The following GRM5 variants were observed in gnomAD, a reference collection of about 807,000 sequenced individuals.
GRM5 encodes glutamate metabotropic receptor 5.
GRM5 carries 19 observed loss-of-function variants against 83.1 expected under a neutral mutation model. The observed-to-expected ratio is 0.23, with a 90% CI of 0.16 to 0.34. The LOEUF (loss-of-function observed/expected upper bound fraction) is 0.34, where lower values mean the gene tolerates loss of function less well. Among genes scored for constraint, GRM5 ranks in the 10% least tolerant of loss-of-function variants. GRM5 has a pLI of 1.00. For synonymous variants in GRM5, 675 were observed against 633.6 expected (o/e 1.07, Z -0.98); for missense variants, 1,160 against 1,588.3 (o/e 0.73, Z 4.58).
intron 4 of GRM5, among the ~76,000 whole-genome samples, chr11:88,630,643 A>G (rs1938940898): frequency 6.6e-6 from 1 of 151,160 alleles, no homozygotes; most frequent in East Asian, 1.9e-4. Context: ...CAATGGTGCG[A>G]TCTTGGCTCA....
intron 1 of GRM5, among the ~76,000 whole-genome samples, chr11:89,064,888 C>CTCTCTCTCTCTGTG (rs1218318990): frequency 1.6e-5 from 1 of 62,212 alleles, no homozygotes; most frequent in African/African-American, 6.9e-5. Context: ...CTCTCTCTCT[C>CTCTCTCTCTCTGTG]TGTGTGTGTG....
chr11:88,884,016 C>T (rs1945003072), intron 2 of GRM5, among the ~76,000 whole-genome samples: 1 of 152,102 alleles, frequency 6.6e-6, no homozygotes, highest in African/African-American at 2.4e-5. Context: ...GACTGGAGGC[C>T]CCACACAGAG....
At chr11:88,876,572 A>G (rs1158329485) in intron 2 of GRM5, among the ~76,000 whole-genome samples, 1 of 152,096 alleles carries the variant, frequency 6.6e-6, no homozygotes. Context: ...GGGGCTTTTG[A>G]CACACCTTCC....
chr11:88,996,958 A>G (rs1480376700), intron 2 of GRM5, among the ~76,000 whole-genome samples: 1 of 152,250 alleles, frequency 6.6e-6, no homozygotes, highest in African/African-American at 2.4e-5. Context: ...AGTTGACAAT[A>G]TAACAAAATT....
intron 2 of GRM5, among the ~76,000 whole-genome samples, chr11:89,044,373 C>T (rs1031233586): frequency 6.6e-6 from 1 of 152,034 alleles, no homozygotes; most frequent in African/African-American, 2.4e-5. Flanking sequence ...AGTAAATACC[C>T]AGTCACACAG....
chr11:89,024,520 C>T (rs1941080269), intron 2 of GRM5, among the ~76,000 whole-genome samples: 1 of 152,132 alleles, frequency 6.6e-6, no homozygotes, highest in African/African-American at 2.4e-5. Flanking sequence ...TGTAAGTTTT[C>T]AATTGAGGTA....
rs926666820 is a variant in GRM5 at position 88,763,125 on chromosome 11, C to T, written c.911+86781G>A. Reference sequence around the variant, plus strand: ...ATTTGTACAACAAACCCCCATGACACGAGTTTACCTATATAGCAAACCTGC... The same window carrying T: ...ATTTGTACAACAAACCCCCATGACATGAGTTTACCTATATAGCAAACCTGC... On this transcript the variant is annotated intron_variant, in intron 3 of 9. Transcript: ENST00000305447. Among the ~76,000 whole-genome samples the T allele has an allele frequency of 2.6e-5, 4 of 151,892 alleles. No individual in the cohort carries two copies. The South Asian group carries it at 6.2e-4, about 24-fold the overall frequency.
intron 2 of GRM5, among the ~76,000 whole-genome samples, chr11:88,881,084 G>T (rs1944944518): frequency 6.6e-6 from 1 of 151,804 alleles, no homozygotes; most frequent in Admixed American, 6.6e-5. Flanking sequence ...TCCCTTAGTA[G>T]GATTTATATA....
chr11:88,795,229 C>G (rs1943255394), intron 3 of GRM5, among the ~76,000 whole-genome samples: 1 of 152,150 alleles, frequency 6.6e-6, no homozygotes, highest in South Asian at 2.1e-4. Context: ...AAAGCAGTAT[C>G]CCAGAGAGGG....
rs1163110784 is a variant in GRM5, at chr11:88,659,032, A to C, written c.912-5629T>G. 2.0e-5 allele frequency among the ~76,000 whole-genome samples: 3 copies of C among 152,210 alleles called. No homozygotes were observed. The East Asian group carries it at 5.8e-4, about 29-fold the overall frequency. On this transcript the variant is annotated intron_variant, in intron 3 of 9. Coordinates refer to ENST00000305447, the MANE Select transcript of GRM5 (RefSeq NM_001143831.3). The stretch of plus-strand genomic sequence containing the variant: ...GAGATGAAGGTTAGGGAATCAAGTT[A>C]GAAAATATGTTGCAATGGTCAAGGA...
chr11:88,596,211 A>T (rs553278939), intron 6 of GRM5, among the ~76,000 whole-genome samples: 1 of 152,300 alleles, frequency 6.6e-6, no homozygotes, highest in South Asian at 2.1e-4. Flanking sequence ...TGTCAGCCTG[A>T]TTGAATCTAC....
intron 3 of GRM5, among the ~76,000 whole-genome samples, chr11:88,706,298 AC>A: frequency 6.6e-6 from 1 of 151,966 alleles, no homozygotes; most frequent in South Asian, 2.1e-4. Flanking sequence ...ACCCTTCCTC[AC>A]TCAAGATTTA....
intron 2 of GRM5, among the ~76,000 whole-genome samples, chr11:88,941,746 T>C (rs1342034488): frequency 2.0e-5 from 3 of 152,092 alleles, no homozygotes; most frequent in Non-Finnish European, 2.9e-5. Flanking sequence ...ACAATGGAGA[T>C]ATTTGATGGT....
At chr11:88,829,825 C>A (rs1187433153) in intron 3 of GRM5, among the ~76,000 whole-genome samples, 1 of 151,946 alleles carries the variant, frequency 6.6e-6, no homozygotes, top group Admixed American at 6.6e-5. Flanking sequence ...TATAAAATAA[C>A]TTTTAAATAT....
At chr11:88,912,350 C>T (rs1945514716) in intron 2 of GRM5, among the ~76,000 whole-genome samples, 1 of 151,656 alleles carries the variant, frequency 6.6e-6, no homozygotes, top group Non-Finnish European at 1.5e-5. Flanking sequence ...TTTATTCTCT[C>T]ATATTTCATG....
chr11:89,060,317 T>C (rs35950576), intron 1 of GRM5, among the ~76,000 whole-genome samples: 35,663 of 151,374 alleles, frequency 0.24, 5,000 homozygotes, highest in Non-Finnish European at 0.32. Flanking sequence ...TATATATGAA[T>C]GAAATATATG....
chr11:88,683,940 GATA>G (rs1261372947), intron 3 of GRM5, among the ~76,000 whole-genome samples: 1 of 152,196 alleles, frequency 6.6e-6, no homozygotes, highest in Non-Finnish European at 1.5e-5. Flanking sequence ...CGATGGAGTA[GATA>G]ATAATGCTGG....
At chr11:88,540,063 G>A (rs1365709482) in intron 8 of GRM5, among the ~76,000 whole-genome samples, 2 of 152,182 alleles carry the variant, frequency 1.3e-5, no homozygotes, top group Admixed American at 6.5e-5. Context: ...AATGGTAAAA[G>A]CAGGGACATT....
chr11:89,014,096 A>C (rs559109155), intron 2 of GRM5, among the ~76,000 whole-genome samples: 12 of 152,322 alleles, frequency 7.9e-5, no homozygotes, highest in Non-Finnish European at 1.3e-4. Context: ...TATCATATGC[A>C]CACATACATA....
Sources: gnomAD v4.1 joint callset for allele counts (sites outside exome capture counted in the v4.1 genomes callset) on GRCh38, gnomAD v4.1.1 for gene constraint, MANE v1.5 for transcripts, NCBI Gene and HGNC (gene_info 2026-07-23, HGNC 2026-07-21) for gene names.